PPFIA2: variants seen among roughly 807,000 people sequenced by gnomAD.
PPFIA2 encodes liprin-alpha-2.
A neutral mutation model predicts 175.5 loss-of-function variants in PPFIA2; 46 were observed. The observed-to-expected ratio is 0.26, with a 90% confidence interval of 0.21 to 0.34. PPFIA2 has a LOEUF of 0.34. PPFIA2 is among the 10% of genes least tolerant of loss of function. The pLI, the probability that PPFIA2 is intolerant of heterozygous loss-of-function variation, is 1.00. For synonymous variants in PPFIA2, 568 were observed against 511.4 expected (o/e 1.11, Z -1.49); for missense variants, 1,179 against 1,506.1 (o/e 0.78, Z 3.60).
chr12:81,725,633 A>C (rs1452106948), intron 3 of PPFIA2, among the ~76,000 whole-genome samples: 1 of 150,956 alleles, frequency 6.6e-6, no homozygotes, highest in Non-Finnish European at 1.5e-5. Flanking sequence ...TAGAGAAAGT[A>C]GAATAAAGTA....
At position 81,638,448 on chromosome 12, in the gene PPFIA2, G is replaced by T. The variant is rs572949996; in HGVS notation, c.303+38343C>A. ...AGATAAGTTTATCTTCCTAGGAATT[G>T]ATAATTATTATAGCTACAAAGAGAG... is the stretch of plus-strand genomic sequence containing the variant. On this transcript the variant is annotated intron_variant, in intron 4 of 32. Transcript: ENST00000549396. 3.1e-4 allele frequency among the ~76,000 whole-genome samples: 47 copies of T among 152,006 alleles called. 1 individual carries two copies. In the South Asian group the frequency reaches 6.4e-3, roughly 21 times the overall value.
intron 4 of PPFIA2, among the ~76,000 whole-genome samples, chr12:81,524,176 T>A (rs1322312996): frequency 2.0e-5 from 3 of 152,096 alleles, no homozygotes; most frequent in Non-Finnish European, 4.4e-5. Flanking sequence ...CCCCACTGAG[T>A]CAATGCCCAG....
chr12:81,280,680 T>C (rs914965956), intron 27 of PPFIA2, among the ~76,000 whole-genome samples: 6 of 152,030 alleles, frequency 3.9e-5, no homozygotes, highest in African/African-American at 1.4e-4. Context: ...GTAAACAACT[T>C]GAAAAAAAGA....
chr12:81,610,111 G>A (rs144886102), intron 4 of PPFIA2, among the ~76,000 whole-genome samples: 67 of 152,226 alleles, frequency 4.4e-4, no homozygotes, highest in African/African-American at 1.6e-3. Context: ...CTTCCGGCAA[G>A]TAGGATTTCT....
intron 4 of PPFIA2, among the ~76,000 whole-genome samples, chr12:81,616,089 G>A (rs1398670570): frequency 1.3e-5 from 2 of 152,118 alleles, no homozygotes; most frequent in Non-Finnish European, 2.9e-5. Context: ...AAGAAGCCAG[G>A]ATATCAGCTG....
intron 4 of PPFIA2, among the ~76,000 whole-genome samples, chr12:81,674,096 T>C (rs898535212): frequency 3.9e-5 from 6 of 152,030 alleles, no homozygotes; most frequent in Admixed American, 2.6e-4. Flanking sequence ...CTTCACTCTT[T>C]TTTCTAATGC....
intron 8 of PPFIA2, among the ~76,000 whole-genome samples, chr12:81,402,700 C>T (rs1163757052): frequency 6.6e-6 from 1 of 151,794 alleles, no homozygotes; most frequent in East Asian, 1.9e-4. Flanking sequence ...CAAAAATTAC[C>T]AAAATTAGCC....
At chr12:81,608,542 A>G (rs1431946412) in intron 4 of PPFIA2, among the ~76,000 whole-genome samples, 1 of 151,920 alleles carries the variant, frequency 6.6e-6, no homozygotes, top group Non-Finnish European at 1.5e-5. Flanking sequence ...GTTTCCAAGC[A>G]TTTATCTATT....
intron 3 of PPFIA2, among the ~76,000 whole-genome samples, chr12:81,739,036 G>A (rs960345166): frequency 4.0e-5 from 6 of 151,802 alleles, no homozygotes; most frequent in Admixed American, 6.6e-5. Flanking sequence ...AACTGGCCAC[G>A]AAGTTATACA....
intron 8 of PPFIA2, among the ~76,000 whole-genome samples, chr12:81,403,098 T>G (rs1409026879): frequency 1.3e-5 from 2 of 152,154 alleles, no homozygotes; most frequent in Non-Finnish European, 2.9e-5. Flanking sequence ...GTTTTAGAAA[T>G]TCAAGGAAGC....
intron 19 of PPFIA2, 55 bp downstream of exon 19, chr12:81,344,609 T>G: frequency 7.8e-7 from 1 of 1,281,972 alleles, no homozygotes; most frequent in Non-Finnish European, 1.1e-6. Flanking sequence ...TTTTAAAGCT[T>G]TCATAGAATA....
intron 7 of PPFIA2, among the ~76,000 whole-genome samples, chr12:81,428,401 G>C (rs1038138611): frequency 3.3e-5 from 5 of 152,002 alleles, no homozygotes; most frequent in Non-Finnish European, 7.4e-5. Flanking sequence ...AGTGGAAGTA[G>C]CAAACAGCAA....
chr12:81,265,031 G>A (rs912645323), intron 30 of PPFIA2, among the ~76,000 whole-genome samples: 2 of 151,692 alleles, frequency 1.3e-5, no homozygotes, highest in East Asian at 1.9e-4. Flanking sequence ...GGTGGCTCAC[G>A]CCTGTAATCC....
At chr12:81,717,131 T>C (rs2078729431) in intron 3 of PPFIA2, among the ~76,000 whole-genome samples, 2 of 151,680 alleles carry the variant, frequency 1.3e-5, no homozygotes. Flanking sequence ...GTAGGCTACA[T>C]ACTCTCTGTT....
intron 8 of PPFIA2, among the ~76,000 whole-genome samples, chr12:81,388,220 T>C (rs1173151068): frequency 1.3e-5 from 2 of 152,174 alleles, no homozygotes; most frequent in Non-Finnish European, 2.9e-5. Flanking sequence ...GCAATCATGC[T>C]AAATAATTAA....
intron 22 of PPFIA2, among the ~76,000 whole-genome samples, chr12:81,301,334 G>T (rs1191280623): frequency 2.0e-5 from 3 of 152,092 alleles, no homozygotes; most frequent in Non-Finnish European, 4.4e-5. Flanking sequence ...TAAAAGGGAA[G>T]AAATAAATTT....
At chr12:81,381,857 A>G (rs540903152) in intron 9 of PPFIA2, among the ~76,000 whole-genome samples, 1 of 152,138 alleles carries the variant, frequency 6.6e-6, no homozygotes, top group East Asian at 1.9e-4. Flanking sequence ...TTCTGATATC[A>G]TTCACACCTT....
chr12:81,358,285 G>C (rs2061144112), intron 15 of PPFIA2, 68 bp from the exon 16 acceptor site: 1 of 1,411,438 alleles, frequency 7.1e-7, no homozygotes, highest in Admixed American at 2.2e-5. Flanking sequence ...ATTACTATCT[G>C]CTGTTTTACT....
At chr12:81,311,941 C>A in intron 22 of PPFIA2, 1 of 564,796 alleles carries the variant, frequency 1.8e-6, no homozygotes, top group Non-Finnish European at 3.1e-6. Context: ...TGAAGAAATA[C>A]AAGTGCCCAA....
Sources: allele counts gnomAD v4.1 joint callset (sites outside exome capture counted in the v4.1 genomes callset), GRCh38; gene constraint gnomAD v4.1.1; transcripts MANE v1.5; gene names NCBI Gene and HGNC (gene_info 2026-07-23, HGNC 2026-07-21).